Variants in SOX5 observed in about 807,000 individuals in gnomAD.
SOX5 encodes the protein transcription factor SOX-5.
In SOX5, 9 loss-of-function variants were observed where a neutral mutation model predicts 92.0. The observed-to-expected ratio is 0.10, with a 90% confidence interval of 0.06 to 0.17. The LOEUF (loss-of-function observed/expected upper bound fraction) is 0.17. Among genes scored for constraint, SOX5 ranks in the 10% least tolerant of loss-of-function variants. SOX5 has a pLI of 1.00. For synonymous variants in SOX5, 344 were observed against 336.3 expected, an observed-to-expected ratio of 1.02 and a Z score of -0.25; for missense variants, 642 against 944.5, an observed-to-expected ratio of 0.68 and a Z score of 4.20.
At chr12:24,541,636 C>A (rs925788077) in intron 1 of SOX5, among the ~76,000 whole-genome samples, 1 of 152,170 alleles carries the variant, frequency 6.6e-6, no homozygotes, top group Non-Finnish European at 1.5e-5. Flanking sequence ...AATTTTTAGA[C>A]TCACAGGGAT....
intron 2 of SOX5, among the ~76,000 whole-genome samples, chr12:23,879,878 A>T (rs1408275543): frequency 6.6e-6 from 1 of 152,102 alleles, no homozygotes; most frequent in Non-Finnish European, 1.5e-5. Context: ...ATGCCATAGG[A>T]AGAGTTTTAA....
At chr12:23,661,921 A>C (rs1358173226) in intron 7 of SOX5, among the ~76,000 whole-genome samples, 1 of 152,192 alleles carries the variant, frequency 6.6e-6, no homozygotes, top group Non-Finnish European at 1.5e-5. Flanking sequence ...TTAAGAATTG[A>C]TATTTTAAAT....
At position 24,014,893 on chromosome 12, in the gene SOX5, G is replaced by A. The variant is rs146598644; in HGVS notation, c.-1-118869C>T. ...TTTCATTAAGTGCTTTTTGGGAGAA[G>A]GGGATTTAGAGGTAAAACTGCTGGC... On this transcript the variant is annotated intron_variant, in intron 4 of 4. Transcript: ENST00000446891. Among the ~76,000 whole-genome samples the A allele has an allele frequency of 4.4e-4, 67 of 152,200 alleles. 1 individual carries two copies. In the East Asian group the frequency reaches 0.013, roughly 29 times the overall value.
At chr12:23,953,095 G>A (rs191930265), upstream of SOX5, among the ~76,000 whole-genome samples, 4 of 152,172 alleles carry the variant, frequency 2.6e-5, no homozygotes, top group East Asian at 7.7e-4. Flanking sequence ...ATTTTAAAAT[G>A]TACCTCTCTA....
intron 1 of SOX5, among the ~76,000 whole-genome samples, chr12:24,448,851 C>T (rs751178571): frequency 3.3e-5 from 5 of 152,074 alleles, no homozygotes; most frequent in Non-Finnish European, 7.3e-5. Flanking sequence ...TTGACCTCTC[C>T]ACATGAAGGT....
intron 2 of SOX5, among the ~76,000 whole-genome samples, chr12:24,352,461 C>A (rs953833001): frequency 2.0e-5 from 3 of 152,284 alleles, no homozygotes; most frequent in African/African-American, 7.2e-5. Context: ...ATTCCCGTGA[C>A]CTTCCTCTCT....
At chr12:23,623,561 A>C (rs1195910693) in intron 8 of SOX5, among the ~76,000 whole-genome samples, 1 of 152,148 alleles carries the variant, frequency 6.6e-6, no homozygotes, top group African/African-American at 2.4e-5. Context: ...CATTCAAGAA[A>C]TATAAAAGAC....
At chr12:23,989,333 A>G (rs1950346289) in intron 4 of SOX5, among the ~76,000 whole-genome samples, 1 of 152,028 alleles carries the variant, frequency 6.6e-6, no homozygotes, top group Non-Finnish European at 1.5e-5. Flanking sequence ...CAGAGGTTGC[A>G]GTGAGCTGAG....
At chr12:24,080,674 G>T (rs1029607684) in intron 4 of SOX5, among the ~76,000 whole-genome samples, 3 of 151,770 alleles carry the variant, frequency 2.0e-5, no homozygotes. Context: ...AGTCACTTTG[G>T]TTCCAAAATA....
Position 23,604,500 on chromosome 12 carries a change from C to T in SOX5, c.1051G>A (p.Val351Ile), listed in dbSNP as rs758437433. 1.9e-6 allele frequency: 3 copies of T among 1,613,684 alleles called. No individual in the cohort carries two copies. Among genetic ancestry groups the T allele is most frequent in the Admixed American group, 3.3e-5 (2 of 59,972 alleles). Reference protein sequence around the residue: ...LYAAQLAAMQVSPGGKLPGIP... With the variant: ...LYAAQLAAMQISPGGKLPGIP... ...CCTGGCAGCTTCCCTCCTGGAGATA[C>T]CTGCATTGCAGCTAGCTGGGCAGCA... is the stretch of plus-strand genomic sequence containing the variant. The change falls in exon 9 of 15, where the codon GTA becomes ATA. Residue 351 changes from valine (V) to isoleucine (I), a missense_variant. By Grantham distance (29) the Val-to-Ile change is conservative. This residue lies in a region of SOX5 where 324 missense variants were observed against 461.6 expected (regional missense o/e 0.70). Transcript: ENST00000451604.
chr12:23,915,440 A>C (rs1247412254), intron 1 of SOX5, among the ~76,000 whole-genome samples: 1 of 152,174 alleles, frequency 6.6e-6, no homozygotes, highest in Non-Finnish European at 1.5e-5. Context: ...AATTTAAAAA[A>C]TAAGACTTAG....
In SOX5 at chr12:23,663,419, G is replaced by A. The variant is rs187213258; in HGVS notation, c.931+2025C>T. Among the ~76,000 whole-genome samples the A allele has an allele frequency of 3.1e-4, 47 of 152,260 alleles. No individual in the cohort carries two copies. The East Asian group carries it at 8.5e-3, about 27-fold the overall frequency. ...TTAGTATGCCAACTCTGTCAAATGA[G>A]AGTGAGGTGGAGGTGTTCTTGACCT... On this transcript the variant is annotated intron_variant, in intron 7 of 14. Coordinates refer to ENST00000451604, the MANE Select transcript of SOX5 (RefSeq NM_006940.6).
chr12:24,550,534 C>A (rs7132960), intron 1 of SOX5, among the ~76,000 whole-genome samples: 46,378 of 152,028 alleles, frequency 0.31, 8,513 homozygotes, highest in East Asian at 0.81. Context: ...CTAACCCTGC[C>A]CCCAGAAGCA....
At chr12:23,995,710 T>C (rs939229425) in intron 4 of SOX5, among the ~76,000 whole-genome samples, 1 of 152,128 alleles carries the variant, frequency 6.6e-6, no homozygotes, top group Admixed American at 6.6e-5. Flanking sequence ...ACAAAAATTT[T>C]TTTGAGTCCT....
At chr12:23,587,872 T>C (rs1179236847) in intron 9 of SOX5, among the ~76,000 whole-genome samples, 1 of 152,096 alleles carries the variant, frequency 6.6e-6, no homozygotes, top group African/African-American at 2.4e-5. Context: ...GCCCACTTAC[T>C]GGCTCGGCCA....
At chr12:23,874,284 T>C (rs1440048258) in intron 2 of SOX5, among the ~76,000 whole-genome samples, 3 of 152,228 alleles carry the variant, frequency 2.0e-5, no homozygotes, top group African/African-American at 7.2e-5. Flanking sequence ...TTATGCCTAA[T>C]AAATTGGCAC....
chr12:23,560,259 G>A (rs906845382), intron 11 of SOX5, among the ~76,000 whole-genome samples: 2 of 152,154 alleles, frequency 1.3e-5, no homozygotes, highest in African/African-American at 4.8e-5. Context: ...TGGGATTCAA[G>A]TGATATAAGA....
At chr12:23,985,456 T>C (rs17401474) in intron 4 of SOX5, among the ~76,000 whole-genome samples, 3,789 of 152,194 alleles carry the variant, frequency 0.025, 50 homozygotes, top group East Asian at 0.04. Context: ...TAAGGGATAA[T>C]GAGTGGCAGT....
chr12:24,182,556 TG>T (rs747478344), intron 4 of SOX5, among the ~76,000 whole-genome samples: 3 of 152,014 alleles, frequency 2.0e-5, no homozygotes, highest in Non-Finnish European at 4.4e-5. Context: ...GAAAAATACA[TG>T]CTATTGGGAC....
Sources: allele counts gnomAD v4.1 joint callset (sites outside exome capture counted in the v4.1 genomes callset), GRCh38; gene constraint gnomAD v4.1.1; regional missense constraint gnomAD v4.1.1; transcripts MANE v1.5; gene names NCBI Gene and HGNC (gene_info 2026-07-23, HGNC 2026-07-21).